Variants in LRMDA observed in about 807,000 individuals in gnomAD.
LRMDA encodes the protein leucine-rich melanocyte differentiation-associated protein.
Under a neutral mutation model 29.8 loss-of-function variants are expected in LRMDA, and 18 were observed. The ratio of observed to expected loss-of-function variants is 0.60; its 90% CI spans 0.42 to 0.90. The LOEUF is 0.90. Among genes scored for constraint, LRMDA ranks in the 40% least tolerant of loss-of-function variants. The pLI is 0.00. For missense variants in LRMDA, 273 were observed against 273.9 expected, an observed-to-expected ratio of 1.00 and a Z score of 0.02; for synonymous variants, 125 against 109.4, an observed-to-expected ratio of 1.14 and a Z score of -0.89.
chr10:76,100,476 A>G (rs1273332528), intron 5 of LRMDA, among the ~76,000 whole-genome samples: 1 of 152,144 alleles, frequency 6.6e-6, no homozygotes, highest in African/African-American at 2.4e-5. Flanking sequence ...CCTTTCTCCC[A>G]GTGTGCAGGC....
chr10:76,154,906 A>G (rs2132170059), intron 5 of LRMDA, among the ~76,000 whole-genome samples: 1 of 152,284 alleles, frequency 6.6e-6, no homozygotes, highest in South Asian at 2.1e-4. Context: ...GTATCACATT[A>G]AGCAAAAATG....
chr10:75,709,401 T>TGTGTGTGTGTCTGTGTGTAC (rs1491504944), intron 2 of LRMDA, among the ~76,000 whole-genome samples: 1 of 151,540 alleles, frequency 6.6e-6, no homozygotes, highest in African/African-American at 2.4e-5. Context: ...TGTGTGTGCA[T>TGTGTGTGTGTCTGTGTGTAC]GTGTGTGTGT....
At chr10:75,798,134 T>C (rs978258399) in intron 2 of LRMDA, among the ~76,000 whole-genome samples, 7 of 152,150 alleles carry the variant, frequency 4.6e-5, no homozygotes, top group African/African-American at 1.7e-4. Flanking sequence ...AACATTCAAA[T>C]CCTTTGCCCC....
intron 2 of LRMDA, among the ~76,000 whole-genome samples, chr10:75,820,887 G>A (rs1844145817): frequency 6.6e-6 from 1 of 152,122 alleles, no homozygotes; most frequent in Admixed American, 6.5e-5. Flanking sequence ...GTGACCATCT[G>A]TTTATGTACA....
chr10:75,523,281 C>T (rs143208601), intron 2 of LRMDA, among the ~76,000 whole-genome samples: 76 of 152,238 alleles, frequency 5.0e-4, no homozygotes, highest in Non-Finnish European at 9.9e-4. Context: ...GCTGGAAATG[C>T]CTGTGTCATA....
At chr10:75,918,639 A>T (rs1845974482) in intron 2 of LRMDA, among the ~76,000 whole-genome samples, 2 of 152,218 alleles carry the variant, frequency 1.3e-5, no homozygotes, top group African/African-American at 4.8e-5. Context: ...AGGGACACAT[A>T]TCCAAACTAT....
At chr10:75,952,276 G>A (rs995169367) in intron 2 of LRMDA, among the ~76,000 whole-genome samples, 1 of 152,124 alleles carries the variant, frequency 6.6e-6, no homozygotes, top group African/African-American at 2.4e-5. Flanking sequence ...GACAATGAAA[G>A]TAATTGAAAA....
chr10:75,984,201 C>G (rs1044775480), intron 2 of LRMDA, among the ~76,000 whole-genome samples: 2 of 148,106 alleles, frequency 1.4e-5, no homozygotes, highest in African/African-American at 5.3e-5. Context: ...ACACTAAGTA[C>G]TGGCCGTATG....
At chr10:75,591,883 G>T (rs114602088) in intron 2 of LRMDA, among the ~76,000 whole-genome samples, 1 of 152,044 alleles carries the variant, frequency 6.6e-6, no homozygotes, top group African/African-American at 2.4e-5. Context: ...GGTGAAAAAC[G>T]TATCAGTCAA....
chr10:76,383,555 C>T (rs373256305), intron 6 of LRMDA, among the ~76,000 whole-genome samples: 31 of 150,272 alleles, frequency 2.1e-4, no homozygotes, highest in African/African-American at 6.2e-4. Context: ...CTCAGCCTCC[C>T]GAGTAGCTGG....
At chr10:76,107,991 C>G (rs969278910) in intron 5 of LRMDA, among the ~76,000 whole-genome samples, 3 of 152,168 alleles carry the variant, frequency 2.0e-5, no homozygotes, top group Non-Finnish European at 4.4e-5. Context: ...GTCAGAATCA[C>G]TTAGTCTTTA....
At chr10:75,875,692 A>G in intron 2 of LRMDA, among the ~76,000 whole-genome samples, 1 of 152,224 alleles carries the variant, frequency 6.6e-6, no homozygotes, top group East Asian at 1.9e-4. Context: ...TCAGCCTTCC[A>G]AAGTGCTGGG....
chr10:76,212,270 A>ACACACACACACAT (rs1564687628), intron 5 of LRMDA, among the ~76,000 whole-genome samples: 4 of 123,282 alleles, frequency 3.2e-5, no homozygotes, highest in African/African-American at 9.4e-5. Flanking sequence ...CACACACATA[A>ACACACACACACAT]AAAAAAAAAA....
rs377709287 is a variant in LRMDA at position 76,016,811 on chromosome 10, A to G, written c.132-19197A>G. Among the ~76,000 whole-genome samples the G allele has an allele frequency of 3.4e-4, 52 of 152,294 alleles. No homozygotes were observed. The South Asian group carries it at 0.011, about 31-fold the overall frequency. On this transcript the variant is annotated intron_variant, in intron 2 of 6. Coordinates refer to ENST00000611255, the MANE Select transcript of LRMDA (RefSeq NM_001305581.2). ...AAATAAATGGGTTTAAGGAGGTTGG[A>G]TTTGACCGCCGCATCAGTGCTCAGG...
chr10:76,413,593 G>A (rs1841985517), intron 6 of LRMDA, among the ~76,000 whole-genome samples: 1 of 152,116 alleles, frequency 6.6e-6, no homozygotes, highest in Admixed American at 6.5e-5. Context: ...GGGAATGATG[G>A]GAGTTACAGT....
intron 2 of LRMDA, among the ~76,000 whole-genome samples, chr10:75,929,698 T>A (rs948916995): frequency 1.3e-5 from 2 of 152,172 alleles, no homozygotes; most frequent in East Asian, 3.8e-4. Flanking sequence ...TCTTTTAGAA[T>A]TTTGGTTTTG....
intron 5 of LRMDA, among the ~76,000 whole-genome samples, chr10:76,147,228 G>T (rs1850342356): frequency 6.6e-6 from 1 of 152,066 alleles, no homozygotes; most frequent in South Asian, 2.1e-4. Context: ...CTGAATGTTG[G>T]CCTGCCTTGC....
intron 5 of LRMDA, among the ~76,000 whole-genome samples, chr10:76,065,523 G>C (rs988080242): frequency 1.3e-5 from 2 of 152,210 alleles, no homozygotes; most frequent in Admixed American, 1.3e-4. Context: ...CAATGGCCCA[G>C]CTTCACCCTC....
intron 5 of LRMDA, among the ~76,000 whole-genome samples, chr10:76,162,055 T>C (rs1434490017): frequency 1.3e-5 from 2 of 152,230 alleles, no homozygotes; most frequent in African/African-American, 2.4e-5. Context: ...GACTATTACA[T>C]GTGTTTTTTC....
Sources: gnomAD v4.1 joint callset for allele counts (sites outside exome capture counted in the v4.1 genomes callset) on GRCh38, gnomAD v4.1.1 for gene constraint, MANE v1.5 for transcripts, NCBI Gene and HGNC (gene_info 2026-07-23, HGNC 2026-07-21) for gene names.